Variants in TJP1 observed in about 807,000 individuals in gnomAD.
TJP1 encodes tight junction protein 1.
In TJP1, 43 loss-of-function variants were observed where a neutral mutation model predicts 194.2. The ratio of observed to expected loss-of-function variants is 0.22; its 90% CI spans 0.17 to 0.29. The LOEUF (loss-of-function observed/expected upper bound fraction) is 0.29. Ranked by LOEUF, TJP1 falls within the 10% of genes least tolerant of loss-of-function variation. The pLI is 1.00. For synonymous variants in TJP1, 801 were observed against 779.0 expected (o/e 1.03, Z -0.47); for missense variants, 1,971 against 2,185.7 (o/e 0.90, Z 1.96).
At chr15:29,825,062 A>T (rs990578977), upstream of TJP1, among the ~76,000 whole-genome samples, 2 of 152,170 alleles carry the variant, frequency 1.3e-5, no homozygotes, top group Non-Finnish European at 2.9e-5. Flanking sequence ...TAAATAAACA[A>T]GAGAAGGCTT....
rs1330223897 is a variant in TJP1, at chr15:29,719,976, T to C, written c.2804A>G (p.Glu935Gly). 6.2e-7 allele frequency: 1 copy of C among 1,614,172 alleles called. No individual in the cohort carries two copies. The highest frequency in any genetic ancestry group is 1.1e-5 in the South Asian group (1 of 91,052). The stretch of plus-strand genomic sequence containing the variant: ...AGAGGTTGATGATGCTGGGTTTGTT[T>C]CAGGCGAAAGGTAAGGGACTGGAGA... ...ASSPVPYLSP[E>G]TNPASSTSAV... is the part of the protein sequence containing the mutation. The change falls in exon 20 of 28, where the codon GAA (glutamate) becomes GGA (glycine). Residue 935 changes from glutamate (E) to glycine (G), a missense_variant. By Grantham distance (98) the Glu-to-Gly change is moderately conservative. Transcript: ENST00000614355.
At chr15:29,791,371 T>C (rs1249857638) in intron 2 of TJP1, among the ~76,000 whole-genome samples, 2 of 150,674 alleles carry the variant, frequency 1.3e-5, no homozygotes, top group Non-Finnish European at 3.0e-5. Flanking sequence ...CTGGATCATA[T>C]GGTTGCTCTA....
chr15:29,848,399 G>A (rs183903737), intron 2 of TJP1, among the ~76,000 whole-genome samples: 1 of 152,180 alleles, frequency 6.6e-6, no homozygotes, highest in East Asian at 1.9e-4. Flanking sequence ...GGTGTTTGGT[G>A]CATATGAACA....
At chr15:29,897,324 G>T (rs569182063) in intron 2 of TJP1, among the ~76,000 whole-genome samples, 9 of 152,328 alleles carry the variant, frequency 5.9e-5, no homozygotes, top group African/African-American at 1.7e-4. Context: ...GCCTGCAGGC[G>T]CACAGAAGTC....
intron 24 of TJP1, among the ~76,000 whole-genome samples, chr15:29,709,553 G>A (rs1389207008): frequency 6.6e-6 from 1 of 152,074 alleles, no homozygotes; most frequent in Non-Finnish European, 1.5e-5. Context: ...CAAGACAGGA[G>A]AATTATTAAT....
At chr15:29,729,583 G>T (rs1299336966) in intron 15 of TJP1, 1 of 152,054 alleles carries the variant, frequency 6.6e-6, no homozygotes, top group Non-Finnish European at 1.5e-5. Context: ...ACTTTGGGAG[G>T]CCGAGGTGGG....
intron 2 of TJP1, among the ~76,000 whole-genome samples, chr15:29,862,740 C>A (rs1305859655): frequency 6.7e-6 from 1 of 150,366 alleles, no homozygotes; most frequent in Admixed American, 6.6e-5. Flanking sequence ...CTTTGCCTCC[C>A]GGGTTCACGC....
Position 29,718,877 on chromosome 15 carries a change from C to T in TJP1, c.3265G>A (p.Glu1089Lys), listed in dbSNP as rs200176394. 45 of 1,614,130 alleles carry T rather than the reference C, an allele frequency of 2.8e-5. No homozygotes were observed. The East Asian group carries it at 9.8e-4, about 35-fold the overall frequency. ...RYEDRVPMYE[E>K]QWSYYDDKQP... ...TTGTCATCATAATATGACCACTGTT[C>T]TTCATACATGGGGACGCGATCTTCG... is the stretch of plus-strand genomic sequence containing the variant. The change falls in exon 21 of 28, where the codon GAA becomes AAA. Residue 1089 changes from glutamate to lysine, a missense_variant. Around this residue, in one of 5 missense-constraint regions of TJP1, gnomAD observed 1,108 missense variants for 1,128.5 expected, o/e 0.98. Coordinates refer to ENST00000614355, the MANE Select transcript of TJP1 (RefSeq NM_001330239.4).
intron 2 of TJP1, among the ~76,000 whole-genome samples, chr15:29,781,921 T>G (rs1332882536): frequency 6.6e-6 from 1 of 152,100 alleles, no homozygotes; most frequent in Non-Finnish European, 1.5e-5. Flanking sequence ...AAGACAAGGA[T>G]GCCCTCTCTC....
At chr15:29,837,021 T>A (rs1212483973) in intron 2 of TJP1, among the ~76,000 whole-genome samples, 1 of 152,212 alleles carries the variant, frequency 6.6e-6, no homozygotes, top group Non-Finnish European at 1.5e-5. Flanking sequence ...TATTTTGCTA[T>A]AGCAACACAA....
intron 5 of TJP1, among the ~76,000 whole-genome samples, chr15:29,764,388 A>C (rs568302953): frequency 1.3e-5 from 2 of 152,330 alleles, no homozygotes; most frequent in East Asian, 3.9e-4. Context: ...GACCTAATGA[A>C]GTCATAAGTC....
At position 29,766,442 on chromosome 15, in the gene TJP1, T is replaced by C; in HGVS notation, c.413A>G (p.Asp138Gly). 1.2e-6 allele frequency: 2 copies of C among 1,614,150 alleles called. No homozygotes were observed. Among genetic ancestry groups the C allele is most frequent in the Non-Finnish European group, 1.7e-6 (2 of 1,180,000 alleles). Residue 138 changes from aspartate to glycine, a missense_variant, in exon 5 of 28, where the codon GAT becomes GGT. Coordinates refer to ENST00000614355, the MANE Select transcript of TJP1 (RefSeq NM_001330239.4). ...CACACCACTCCGGCCACTTCTTGGA[T>C]CATGTATTTCCTCATCATAACTATC... ...EEDSYDEEIH[D>G]PRSGRSGVVN...
chr15:29,916,143 G>A (rs1286313107), intron 2 of TJP1, among the ~76,000 whole-genome samples: 2 of 151,484 alleles, frequency 1.3e-5, no homozygotes, highest in Non-Finnish European at 2.9e-5. Flanking sequence ...TACTCGGGAG[G>A]CTGAGGCAGC....
At chr15:29,851,731 T>C (rs779708865) in intron 2 of TJP1, among the ~76,000 whole-genome samples, 2 of 152,248 alleles carry the variant, frequency 1.3e-5, no homozygotes, top group South Asian at 2.1e-4. Flanking sequence ...CTATGTAGTA[T>C]TGGCAAAGGG....
intron 2 of TJP1, among the ~76,000 whole-genome samples, chr15:29,912,114 G>A (rs1050912150): frequency 1.3e-5 from 2 of 152,166 alleles, no homozygotes; most frequent in African/African-American, 2.4e-5. Context: ...CTGCTTTGTA[G>A]ATGGCTTTTT....
chr15:29,856,273 T>G (rs1223881651), intron 2 of TJP1, among the ~76,000 whole-genome samples: 1 of 152,200 alleles, frequency 6.6e-6, no homozygotes, highest in Non-Finnish European at 1.5e-5. Flanking sequence ...TCCTCTTTAC[T>G]TCTACAGGTA....
intron 8 of TJP1, among the ~76,000 whole-genome samples, chr15:29,753,300 A>C (rs1211621973): frequency 1.3e-5 from 2 of 151,676 alleles, no homozygotes; most frequent in African/African-American, 2.4e-5. Context: ...TGGCTAACAC[A>C]GTGAAACCCC....
upstream of TJP1, chr15:29,823,543 T>C (rs946245262): frequency 6.6e-6 from 1 of 152,180 alleles, no homozygotes; most frequent in African/African-American, 2.4e-5. Context: ...AGACAATGGT[T>C]TTCTCTTTAG....
intron 2 of TJP1, among the ~76,000 whole-genome samples, chr15:29,791,906 A>G (rs1478379380): frequency 6.6e-6 from 1 of 151,934 alleles, no homozygotes; most frequent in Non-Finnish European, 1.5e-5. Context: ...TTGACCATTT[A>G]CCCATATGTC....
Sources: allele counts gnomAD v4.1 joint callset (sites outside exome capture counted in the v4.1 genomes callset), GRCh38; gene constraint gnomAD v4.1.1; regional missense constraint gnomAD v4.1.1; transcripts MANE v1.5; gene names NCBI Gene and HGNC (gene_info 2026-07-23, HGNC 2026-07-21).